SLC4A3: variants seen among roughly 807,000 people sequenced by gnomAD.
The protein encoded by SLC4A3 is solute carrier family 4 member 3.
Under a neutral mutation model 114.2 loss-of-function variants are expected in SLC4A3, and 47 were observed. That is an observed-to-expected ratio of 0.41 (90% CI 0.33 to 0.52). The LOEUF (loss-of-function observed/expected upper bound fraction) is 0.52. Ranked by LOEUF, SLC4A3 falls within the 20% of genes least tolerant of loss-of-function variation. The probability of loss-of-function intolerance (pLI) is 0.21; values close to 1 mark genes in which losing one functional copy is unlikely to be tolerated. For missense variants in SLC4A3, 1,312 were observed against 1,668.3 expected, an observed-to-expected ratio of 0.79 and a Z score of 3.72; for synonymous variants, 693 against 710.3, an observed-to-expected ratio of 0.98 and a Z score of 0.39.
At chr2:219,629,797 T>A in intron 5 of SLC4A3, 102 bp downstream of exon 5, 1 of 457,172 alleles carries the variant, frequency 2.2e-6, no homozygotes, top group Non-Finnish European at 3.5e-6. Context: ...TGTCCCCAGC[T>A]CTGACCCTGA....
At chr2:219,634,312 G>A (rs578012433) in intron 11 of SLC4A3, 108 bp from the exon 12 acceptor site, 52 of 1,094,612 alleles carry the variant, frequency 4.8e-5, no homozygotes, top group East Asian at 2.4e-4. Context: ...GTTTCTTTGC[G>A]CAGTTTACAA....
In SLC4A3 at chr2:219,637,950, C is replaced by G. The variant is rs1574656556; in HGVS notation, c.2766+139C>G. 1 of 737,224 alleles carries G rather than the reference C, an allele frequency of 1.4e-6. No individual in the cohort carries two copies. Among genetic ancestry groups the G allele is most frequent in the Non-Finnish European group, 2.3e-6 (1 of 431,628 alleles). 45.7% of individuals were successfully genotyped at this position (737,224 alleles called of 1,614,324 possible). A position where few individuals can be genotyped will look rare whatever the true frequency, so the allele number is the denominator to read the frequency against. On this transcript the variant is annotated intron_variant, in intron 17 of 22. Coordinates refer to ENST00000358055, the MANE Select transcript of SLC4A3 (RefSeq NM_005070.4). This position sits in a 1 kb window ranked among gnomAD's most constrained non-coding sequence, Gnocchi z 4.6. ...GGCAGCCCCTCACCCCTTCGGAAGCCTCTTCCCTGGGTGTCTTCTTGCCCT... is the reference window on the plus strand; with the variant it reads ...GGCAGCCCCTCACCCCTTCGGAAGCGTCTTCCCTGGGTGTCTTCTTGCCCT...
In SLC4A3 at chr2:219,628,303, T is replaced by A. The variant is rs953895541; in HGVS notation, c.52-102T>A. On this transcript the variant is annotated intron_variant, in intron 2 of 22. Transcript: ENST00000358055. This position sits in a 1 kb window ranked among gnomAD's most constrained non-coding sequence, Gnocchi z 4.8. ...GGAGCAAGGGGAGGGGGCCCGATGG[T>A]GTGAGAGCCTGCTGAGCTCCCCCAA... The A allele has an allele frequency of 8.0e-7, 1 of 1,251,270 alleles. No individual in the cohort carries two copies. The highest frequency in any genetic ancestry group is 2.8e-5 in the Admixed American group (1 of 35,348). The allele number at this position is 1,251,270 out of a possible 1,614,324, so 77.5% of individuals were successfully genotyped here.
chr2:219,629,025 C>T (rs1698820400), intron 3 of SLC4A3, 119 bp from the exon 4 acceptor site: 1 of 1,254,354 alleles, frequency 8.0e-7, no homozygotes. Context: ...GGTCATGGCC[C>T]TGGAGGAAGG....
rs1255028230 is a variant in SLC4A3 at position 219,637,270 on chromosome 2, CGT to C, written c.2536-303_2536-302del. ...GTGATGTATGTGTTGTGTGTGTGTGCGTGTGTGTGCCTGTGTGTGCATGTTGT... is the reference window on the plus strand; with the variant it reads ...GTGATGTATGTGTTGTGTGTGTGTGCGTGTGTGCCTGTGTGTGCATGTTGT... On this transcript the variant is annotated intron_variant, in intron 16 of 22. Coordinates refer to ENST00000358055, the MANE Select transcript of SLC4A3 (RefSeq NM_005070.4). The surrounding 1 kb of genome is among the most constrained non-coding windows in gnomAD (Gnocchi z 4.6). Among the ~76,000 whole-genome samples the C allele has an allele frequency of 6.8e-6, 1 of 145,998 alleles. No individual in the cohort carries two copies. The highest frequency in any genetic ancestry group is 1.5e-5 in the Non-Finnish European group (1 of 66,128).
intron 11 of SLC4A3, 131 bp from the exon 12 acceptor site, chr2:219,634,289 C>G: frequency 1.1e-6 from 1 of 880,636 alleles, no homozygotes; most frequent in Non-Finnish European, 1.8e-6. Flanking sequence ...GAATAGTGCC[C>G]TTTTAGACTG....
At chr2:219,633,715 G>C (rs999359282) in intron 10 of SLC4A3, 165 bp from the exon 11 acceptor site, 12 of 1,104,148 alleles carry the variant, frequency 1.1e-5, no homozygotes, top group Non-Finnish European at 1.5e-5. Context: ...ATCGAGGCAG[G>C]GTCCACATCC....
rs1229097208 is a variant in SLC4A3, at chr2:219,637,218, G to A, written c.2535+344G>A. On this transcript the variant is annotated intron_variant, in intron 16 of 22. Coordinates refer to ENST00000358055, the MANE Select transcript of SLC4A3 (RefSeq NM_005070.4). This position sits in a 1 kb window ranked among gnomAD's most constrained non-coding sequence, Gnocchi z 4.6. Reference sequence around the variant, plus strand: ...AGTGTGTGTGTGTGTGTGGGTGTGGGTGTGGTGTGAGTATGGTGTGTTGTG... The same window carrying A: ...AGTGTGTGTGTGTGTGTGGGTGTGGATGTGGTGTGAGTATGGTGTGTTGTG... Among the ~76,000 whole-genome samples the A allele has an allele frequency of 6.6e-6, 1 of 150,452 alleles. No homozygotes were observed. The highest frequency in any genetic ancestry group is 1.5e-5 in the Non-Finnish European group (1 of 67,358).
rs767165202 is a variant in SLC4A3 at position 219,633,999 on chromosome 2, G to A, written c.1561+20G>A. On this transcript the variant is annotated intron_variant, in intron 11 of 22. Coordinates refer to ENST00000358055, the MANE Select transcript of SLC4A3 (RefSeq NM_005070.4). ...TTGTGGGTGAGGAGGGCCGGGCGCC[G>A]GGGGCAGGGTCTGCAGTGTGTGTGT... The A allele has an allele frequency of 9.8e-6, 15 of 1,533,224 alleles. No homozygotes were observed. Among genetic ancestry groups the A allele is most frequent in the Middle Eastern group, 1.7e-4 (1 of 5,836 alleles). 95.0% of individuals were successfully genotyped at this position (1,533,224 alleles called of 1,614,324 possible).
In SLC4A3 at chr2:219,628,840, G is replaced by A. The variant is rs550182441; in HGVS notation, c.217+270G>A. The A allele has an allele frequency of 7.1e-5, 41 of 579,722 alleles. 1 individual carries two copies. The highest frequency in any genetic ancestry group is 4.7e-4 in the South Asian group (20 of 42,974). 35.9% of individuals were successfully genotyped at this position (579,722 alleles called of 1,614,324 possible). On this transcript the variant is annotated intron_variant, in intron 3 of 22. Coordinates refer to ENST00000358055, the MANE Select transcript of SLC4A3 (RefSeq NM_005070.4). This position sits in a 1 kb window ranked among gnomAD's most constrained non-coding sequence, Gnocchi z 4.8. ...CACGGTGACCTTCCCCTTCCCCTTC[G>A]TCCCCACTCACTCCCTCCTTGTCCC...
chr2:219,640,154 C>A (rs1699271160), intron 20 of SLC4A3, among the ~76,000 whole-genome samples: 1 of 152,090 alleles, frequency 6.6e-6, no homozygotes, highest in Admixed American at 6.5e-5. Context: ...TGGTCTTGAT[C>A]TCCTGACCTC....
In SLC4A3 at chr2:219,628,194, A is replaced by G. The variant is rs1698786043; in HGVS notation, c.51+151A>G. ...TTACGGAGAAAGAGGGGGGTTTTTG[A>G]TATTTTCCAGATCCGTAGCCCTCTC... On this transcript the variant is annotated intron_variant, in intron 2 of 22. Coordinates refer to ENST00000358055, the MANE Select transcript of SLC4A3 (RefSeq NM_005070.4). The surrounding 1 kb of genome is among the most constrained non-coding windows in gnomAD (Gnocchi z 4.8). 1 of 813,786 alleles carries G rather than the reference A, an allele frequency of 1.2e-6. No individual in the cohort carries two copies. The highest frequency in any genetic ancestry group is 2.8e-5 in the East Asian group (1 of 35,252). The allele number at this position is 813,786 out of a possible 1,614,324, so 50.4% of individuals were successfully genotyped here.
At position 219,635,267 on chromosome 2, in the gene SLC4A3, CCAG is replaced by C; in HGVS notation, c.1747-2_1747del. ...GAGGGTCCTGGCCCTCTCATTGCCC[CCAG>C]CTGTTTCATGAGGCTGCCTACCAGG... On this transcript the variant is annotated splice_acceptor_variant and splice_polypyrimidine_tract_variant and intron_variant, in intron 12 of 22. Coordinates refer to ENST00000358055, the MANE Select transcript of SLC4A3 (RefSeq NM_005070.4). LOFTEE classifies it high-confidence loss of function. 1 of 1,613,636 alleles carries C rather than the reference CCAG, an allele frequency of 6.2e-7. No individual in the cohort carries two copies. The highest frequency in any genetic ancestry group is 8.5e-7 in the Non-Finnish European group (1 of 1,179,674).
chr2:219,636,263 CAG>C lies in SLC4A3; in HGVS notation c.2192-36_2192-35del, dbSNP rs781213761. ...CTAGATGAAGAAGGGGGCAGATAGA[CAG>C]AGCCAGGCTAGGGCCATCCTACCCG... On this transcript the variant is annotated intron_variant, in intron 14 of 22. Coordinates refer to ENST00000358055, the MANE Select transcript of SLC4A3 (RefSeq NM_005070.4). This position sits in a 1 kb window ranked among gnomAD's most constrained non-coding sequence, Gnocchi z 5.5. 17 of 1,610,366 alleles carry C rather than the reference CAG, an allele frequency of 1.1e-5. No homozygotes were observed. The African/African-American group carries it at 2.0e-4, about 19-fold the overall frequency.
Position 219,632,211 on chromosome 2 carries a change from G to A in SLC4A3, c.961-51G>A, listed in dbSNP as rs563610609. On this transcript the variant is annotated intron_variant, in intron 7 of 22. Transcript: ENST00000358055. ...CCCCCCTGCCTTGCCCCATCACGGT[G>A]TTCCCCACACCTGTTGGCCCCTGGG... 2.5e-6 allele frequency: 4 copies of A among 1,611,898 alleles called. No homozygotes were observed. In the African/African-American group the frequency reaches 5.3e-5, roughly 21 times the overall value.
chr2:219,631,012 GGCAGCAGTA>G lies in SLC4A3; in HGVS notation c.811+668_811+676del, dbSNP rs1574646585. 2 of 630,944 alleles carry G rather than the reference GGCAGCAGTA, an allele frequency of 3.2e-6. No homozygotes were observed. The highest frequency in any genetic ancestry group is 3.9e-5 in the African/African-American group (2 of 51,720). 39.1% of individuals were successfully genotyped at this position (630,944 alleles called of 1,614,324 possible). ...AGGACAGGGACAGGAACAATCCGAT[GGCAGCAGTA>G]GCAGCAGGATGGGGGGTGGGGGAGG... On this transcript the variant is annotated intron_variant, in intron 6 of 22. Transcript: ENST00000358055. The surrounding 1 kb of genome is among the most constrained non-coding windows in gnomAD (Gnocchi z 6.3).
rs1698783521 is a variant in SLC4A3, at chr2:219,628,131, C to A, written c.51+88C>A. 4.5e-6 allele frequency: 5 copies of A among 1,101,106 alleles called. No homozygotes were observed. Among genetic ancestry groups the A allele is most frequent in the Non-Finnish European group, 6.3e-6 (5 of 794,368 alleles). The allele number at this position is 1,101,106 out of a possible 1,614,324, so 68.2% of individuals were successfully genotyped here. On this transcript the variant is annotated intron_variant, in intron 2 of 22. Coordinates refer to ENST00000358055, the MANE Select transcript of SLC4A3 (RefSeq NM_005070.4). This position sits in a 1 kb window ranked among gnomAD's most constrained non-coding sequence, Gnocchi z 4.8. ...GGCAGAGGAGTCCTCTGGCCGACCC[C>A]GGGACCCCCCAGATCCAGGGATGAG... is the stretch of plus-strand genomic sequence containing the variant.
chr2:219,638,205 C>T lies in SLC4A3; in HGVS notation c.2808C>T (p.Ile936=). ...IIGDFGIPIS[I]LVMVLVDYSI... is the part of the protein sequence containing the mutation. ...GGGACTTTGGCATCCCCATCTCCAT[C>T]CTGGTGATGGTCCTGGTGGATTACT... Residue 936 remains isoleucine, a synonymous_variant, in exon 18 of 23, where the codon ATC becomes ATT. Transcript: ENST00000358055. This position sits in a 1 kb window ranked among gnomAD's most constrained non-coding sequence, Gnocchi z 7.5. 1 of 1,612,958 alleles carries T rather than the reference C, an allele frequency of 6.2e-7. No individual in the cohort carries two copies. The highest frequency in any genetic ancestry group is 8.5e-7 in the Non-Finnish European group (1 of 1,179,456).
chr2:219,634,070 C>T (rs1699035325), intron 11 of SLC4A3, 91 bp downstream of exon 11: 2 of 1,375,680 alleles, frequency 1.5e-6, no homozygotes, highest in Non-Finnish European at 1.9e-6. Flanking sequence ...CTCGAGGCCG[C>T]CTCTTCCATC....
Sources: gnomAD v4.1 joint callset for allele counts (sites outside exome capture counted in the v4.1 genomes callset) on GRCh38, gnomAD v4.1.1 for gene constraint, Gnocchi (gnomAD v3.1) non-coding constraint, MANE v1.5 for transcripts, NCBI Gene and HGNC (gene_info 2026-07-23, HGNC 2026-07-21) for gene names.